LINGO2: variants seen among roughly 807,000 people sequenced by gnomAD.
The protein encoded by LINGO2 is leucine rich repeat and Ig domain containing 2.
In LINGO2, 14 loss-of-function variants were observed where a neutral mutation model predicts 30.6. The observed-to-expected ratio is 0.46, with a 90% CI of 0.30 to 0.72. The LOEUF (loss-of-function observed/expected upper bound fraction) is 0.72. Among genes scored for constraint, LINGO2 ranks in the 30% least tolerant of loss-of-function variants. LINGO2 has a pLI of 0.07. For missense variants in LINGO2, 729 were observed against 751.7 expected (o/e 0.97, Z 0.35); for synonymous variants, 317 against 288.5 (o/e 1.10, Z -1.00).
intron 4 of LINGO2, among the ~76,000 whole-genome samples, chr9:28,112,052 CT>C (rs1157636756): frequency 9.2e-6 from 1 of 108,350 alleles, no homozygotes; most frequent in Admixed American, 9.9e-5. Context: ...AATGCTATCC[CT>C]CCCCCCTCCC....
At chr9:28,275,618 T>G (rs1823089918) in intron 4 of LINGO2, among the ~76,000 whole-genome samples, 1 of 152,174 alleles carries the variant, frequency 6.6e-6, no homozygotes, top group Non-Finnish European at 1.5e-5. Flanking sequence ...TCTTACAGCC[T>G]TAACATGGTG....
chr9:28,041,253 A>G (rs1338419795), intron 4 of LINGO2, among the ~76,000 whole-genome samples: 2 of 152,156 alleles, frequency 1.3e-5, no homozygotes, highest in Non-Finnish European at 2.9e-5. Flanking sequence ...GGTTCATACA[A>G]TGTGGCAAGA....
chr9:28,007,356 G>T (rs1822316924), intron 5 of LINGO2, among the ~76,000 whole-genome samples: 1 of 151,986 alleles, frequency 6.6e-6, no homozygotes, highest in Admixed American at 6.6e-5. Context: ...GGGCAGGAAA[G>T]ACAAAAAGCG....
At chr9:28,215,679 T>C (rs150089173) in intron 4 of LINGO2, among the ~76,000 whole-genome samples, 2 of 151,818 alleles carry the variant, frequency 1.3e-5, no homozygotes, top group East Asian at 3.9e-4. Flanking sequence ...ACTGAATCGA[T>C]GGAAGTGTCT....
At chr9:28,571,221 T>G (rs1330210424) in intron 1 of LINGO2, among the ~76,000 whole-genome samples, 1 of 151,974 alleles carries the variant, frequency 6.6e-6, no homozygotes, top group Non-Finnish European at 1.5e-5. Flanking sequence ...AATGCATTTT[T>G]AAAGCCTTAT....
At chr9:28,042,797 T>C (rs1034931866) in intron 4 of LINGO2, among the ~76,000 whole-genome samples, 12 of 152,310 alleles carry the variant, frequency 7.9e-5, no homozygotes, top group African/African-American at 2.6e-4. Context: ...CTTTGCCTAT[T>C]TTCTTCCTTC....
intron 4 of LINGO2, among the ~76,000 whole-genome samples, chr9:28,047,793 G>A (rs1237448046): frequency 2.0e-5 from 1 of 50,174 alleles, no homozygotes; most frequent in South Asian, 8.4e-4. Flanking sequence ...AACAAGAAAA[G>A]AGCAAAGTAT....
the LINGO2 span, among the ~76,000 whole-genome samples, chr9:28,939,026 T>G: frequency 1.3e-5 from 2 of 152,174 alleles, no homozygotes; most frequent in African/African-American, 4.8e-5. Context: ...CTTTACTTTC[T>G]TTTATTACTT....
At chr9:28,290,737 T>C (rs1050179376) in intron 4 of LINGO2, among the ~76,000 whole-genome samples, 63 of 152,058 alleles carry the variant, frequency 4.1e-4, no homozygotes, top group African/African-American at 1.4e-3. Context: ...ATTTAGTGAG[T>C]TTCAGTTCTT....
intron 1 of LINGO2, among the ~76,000 whole-genome samples, chr9:28,587,689 A>C (rs888049102): frequency 6.6e-5 from 10 of 151,802 alleles, no homozygotes; most frequent in Admixed American, 2.6e-4. Context: ...GAAGGGGAGG[A>C]ATAGATGCCA....
the LINGO2 span, among the ~76,000 whole-genome samples, chr9:28,867,385 C>T: frequency 6.6e-6 from 1 of 150,840 alleles, no homozygotes; most frequent in East Asian, 1.9e-4. Flanking sequence ...ATAAACAATG[C>T]AAGTCAGGGT....
intron 4 of LINGO2, among the ~76,000 whole-genome samples, chr9:28,261,569 C>T (rs1416876242): frequency 2.0e-5 from 3 of 151,778 alleles, no homozygotes; most frequent in Non-Finnish European, 4.4e-5. Context: ...AATAAGATAC[C>T]TTTAGATTTG....
chr9:28,708,825 T>C, the LINGO2 span, among the ~76,000 whole-genome samples: 2 of 143,050 alleles, frequency 1.4e-5, no homozygotes, highest in African/African-American at 5.5e-5. Flanking sequence ...CATCTATCCA[T>C]CATCTATCTA....
intron 4 of LINGO2, among the ~76,000 whole-genome samples, chr9:28,028,377 T>C (rs1189441238): frequency 6.6e-6 from 1 of 152,150 alleles, no homozygotes; most frequent in Non-Finnish European, 1.5e-5. Context: ...ATAGCAACAG[T>C]GTTACATCAT....
At chr9:28,999,856 C>T in the LINGO2 span, among the ~76,000 whole-genome samples, 2 of 151,884 alleles carry the variant, frequency 1.3e-5, no homozygotes, top group South Asian at 2.1e-4. Context: ...TTTACTCTTA[C>T]TGCTCTGATA....
Position 28,023,449 on chromosome 9 carries a change from C to T in LINGO2, c.-86-11044G>A, listed in dbSNP as rs1190587783. ...TGCCTGGCAGTTCTTTCATCTGTAA[C>T]CCACTGTTACTATATTGGAAACTTG... On this transcript the variant is annotated intron_variant, in intron 4 of 5. Transcript: ENST00000379992. Among the ~76,000 whole-genome samples the T allele has an allele frequency of 2.0e-5, 3 of 152,126 alleles. No homozygotes were observed. In the East Asian group the frequency reaches 5.8e-4, roughly 29 times the overall value.
At chr9:28,074,268 G>C (rs1028692764) in intron 4 of LINGO2, among the ~76,000 whole-genome samples, 3 of 152,036 alleles carry the variant, frequency 2.0e-5, no homozygotes, top group African/African-American at 7.2e-5. Flanking sequence ...TAAAATTGAT[G>C]AATATTTCAT....
chr9:28,720,870 G>T, the LINGO2 span, among the ~76,000 whole-genome samples: 1 of 151,912 alleles, frequency 6.6e-6, no homozygotes, highest in African/African-American at 2.4e-5. Flanking sequence ...ATTTTATGAA[G>T]AATGTGGCTT....
intron 1 of LINGO2, among the ~76,000 whole-genome samples, chr9:28,503,946 T>C (rs999992163): frequency 6.6e-6 from 1 of 151,806 alleles, no homozygotes; most frequent in African/African-American, 2.4e-5. Flanking sequence ...CATGATTGAG[T>C]ATGAAGACAG....
Sources: allele counts gnomAD v4.1 joint callset (sites outside exome capture counted in the v4.1 genomes callset), GRCh38; gene constraint gnomAD v4.1.1; transcripts MANE v1.5; gene names NCBI Gene and HGNC (gene_info 2026-07-23, HGNC 2026-07-21).